Variants in BRMS1L observed in about 807,000 individuals in gnomAD.
BRMS1L encodes the protein breast cancer metastasis-suppressor 1-like protein.
BRMS1L carries 23 observed loss-of-function variants against 50.3 expected under a neutral mutation model. The ratio of observed to expected loss-of-function variants is 0.46; its 90% CI spans 0.33 to 0.65. BRMS1L has a LOEUF of 0.65. Ranked by LOEUF, BRMS1L falls within the 30% of genes least tolerant of loss-of-function variation. The pLI, the probability that BRMS1L is intolerant of heterozygous loss-of-function variation, is 0.02. For synonymous variants in BRMS1L, 114 were observed against 126.9 expected, an observed-to-expected ratio of 0.90 and a Z score of 0.69; for missense variants, 286 against 386.1, an observed-to-expected ratio of 0.74 and a Z score of 2.17.
At position 35,846,234 on chromosome 14, in the gene BRMS1L, A is replaced by C. The variant is rs553731845; in HGVS notation, c.441+11311A>C. On this transcript the variant is annotated intron_variant, in intron 4 of 9. Transcript: ENST00000216807. Reference sequence around the variant, plus strand: ...AGACTCTGTCAAAACAAAACAAAACAAAACAAAAACAAAAAAACTGGGCAT... The same window carrying C: ...AGACTCTGTCAAAACAAAACAAAACCAAACAAAAACAAAAAAACTGGGCAT... 6.2e-4 allele frequency among the ~76,000 whole-genome samples: 94 copies of C among 151,038 alleles called. 1 individual carries two copies. The highest frequency in any genetic ancestry group is 2.0e-3 in the African/African-American group (83 of 40,766).
chr14:35,831,547 T>C (rs368099430), intron 2 of BRMS1L, 47 bp downstream of exon 2: 2 of 1,382,422 alleles, frequency 1.4e-6, no homozygotes, highest in East Asian at 2.3e-5. Context: ...CTCAACCTTG[T>C]CACTTGTATA....
intron 4 of BRMS1L, among the ~76,000 whole-genome samples, chr14:35,850,902 AGTTTT>A (rs2078203830): frequency 2.0e-5 from 3 of 152,134 alleles, no homozygotes; most frequent in Admixed American, 6.5e-5. Flanking sequence ...AACGTCATTT[AGTTTT>A]GTTTTGTTCA....
intron 4 of BRMS1L, among the ~76,000 whole-genome samples, chr14:35,858,113 G>A (rs928962682): frequency 6.6e-6 from 1 of 151,786 alleles, no homozygotes; most frequent in Admixed American, 6.6e-5. Flanking sequence ...TCGTTTTAAA[G>A]TTAGGTGTAA....
At chr14:35,829,790 C>A in intron 1 of BRMS1L, 1 of 1,201,078 alleles carries the variant, frequency 8.3e-7, no homozygotes, top group Non-Finnish European at 1.1e-6. Flanking sequence ...AACTCTTTCT[C>A]ATAGTTTGAC....
At chr14:35,863,323 T>C (rs2078377443) in intron 5 of BRMS1L, among the ~76,000 whole-genome samples, 1 of 152,178 alleles carries the variant, frequency 6.6e-6, no homozygotes, top group South Asian at 2.1e-4. Context: ...TTCAGGGTGT[T>C]ACAGAAAGGT....
intron 4 of BRMS1L, among the ~76,000 whole-genome samples, chr14:35,842,849 C>T (rs1271135085): frequency 6.6e-6 from 1 of 152,168 alleles, no homozygotes; most frequent in Non-Finnish European, 1.5e-5. Flanking sequence ...CACATAGTCC[C>T]ATATTCCTTG....
intron 3 of BRMS1L, among the ~76,000 whole-genome samples, chr14:35,833,627 T>G (rs1379978542): frequency 6.6e-6 from 1 of 152,158 alleles, no homozygotes; most frequent in African/African-American, 2.4e-5. Flanking sequence ...TAAACAAAGA[T>G]GCACTATATT....
intron 3 of BRMS1L, 83 bp from the exon 4 acceptor site, chr14:35,834,761 C>G: frequency 1.1e-6 from 1 of 923,872 alleles, no homozygotes; most frequent in Non-Finnish European, 1.5e-6. Context: ...TTATTAAATA[C>G]AGTGAGGACA....
intron 4 of BRMS1L, among the ~76,000 whole-genome samples, chr14:35,860,592 A>C (rs888352874): frequency 3.3e-5 from 5 of 152,118 alleles, no homozygotes; most frequent in East Asian, 1.9e-4. Context: ...AAAAAAAAAA[A>C]AAAAACTATT....
chr14:35,840,804 G>T (rs1467389699), intron 4 of BRMS1L, among the ~76,000 whole-genome samples: 1 of 151,732 alleles, frequency 6.6e-6, no homozygotes, highest in Admixed American at 6.6e-5. Context: ...CCAGCTCCTG[G>T]ATTCATTGAT....
intron 4 of BRMS1L, among the ~76,000 whole-genome samples, chr14:35,862,363 C>T (rs1325289381): frequency 6.6e-6 from 1 of 151,874 alleles, no homozygotes; most frequent in East Asian, 1.9e-4. Flanking sequence ...AATTTAGATG[C>T]TCTTATACAG....
At chr14:35,831,320 TC>T in intron 1 of BRMS1L, 89 bp from the exon 2 acceptor site, 1 of 855,030 alleles carries the variant, frequency 1.2e-6, no homozygotes, top group Non-Finnish European at 1.9e-6. Flanking sequence ...CAGTTTTTCT[TC>T]CTATTTGAAT....
intron 4 of BRMS1L, among the ~76,000 whole-genome samples, chr14:35,842,597 GC>G (rs1464689798): frequency 1.3e-5 from 2 of 152,120 alleles, no homozygotes; most frequent in Non-Finnish European, 2.9e-5. Context: ...TTTCTCTCTG[GC>G]TGCCCTTAAC....
chr14:35,863,674 C>T (rs1217633390), intron 5 of BRMS1L, among the ~76,000 whole-genome samples, 196 bp from the exon 6 acceptor site: 2 of 152,178 alleles, frequency 1.3e-5, no homozygotes, highest in African/African-American at 4.8e-5. Flanking sequence ...TTGATTTTTG[C>T]TTTAATAAAG....
At chr14:35,866,007 A>G (rs2078416491) in intron 8 of BRMS1L, 2 of 428,384 alleles carry the variant, frequency 4.7e-6, no homozygotes, top group African/African-American at 4.1e-5. Flanking sequence ...AGTAACTCAA[A>G]AAAGTATTTA....
chr14:35,834,647 C>G (rs2899840), intron 3 of BRMS1L, among the ~76,000 whole-genome samples, 197 bp from the exon 4 acceptor site: 29,536 of 152,034 alleles, frequency 0.19, 2,998 homozygotes, highest in East Asian at 0.35. Flanking sequence ...CTTTCTAGCT[C>G]TTATAATTTC....
At chr14:35,868,929 AT>A in intron 9 of BRMS1L, among the ~76,000 whole-genome samples, 1 of 152,222 alleles carries the variant, frequency 6.6e-6, no homozygotes, top group Non-Finnish European at 1.5e-5. Flanking sequence ...CCTTTTGAAA[AT>A]ATTGTTAATC....
chr14:35,867,974 G>A lies in BRMS1L; in HGVS notation c.796G>A (p.Glu266Lys). The change falls in exon 9 of 10, where the codon GAA (glutamate) becomes AAA (lysine). Residue 266 changes from glutamate (E) to lysine (K), a missense_variant. Coordinates refer to ENST00000216807, the MANE Select transcript of BRMS1L (RefSeq NM_032352.4). ...AGAGGGAAGACTATATTATGATGGT[G>A]AATGGTATATACGTGGACAAACAAT... ...SEEGRLYYDG[E>K]WYIRGQTICI... 1 of 1,612,298 alleles carries A rather than the reference G, an allele frequency of 6.2e-7. No homozygotes were observed. The highest frequency in any genetic ancestry group is 8.5e-7 in the Non-Finnish European group (1 of 1,179,342).
Position 35,826,375 on chromosome 14 carries a change from G to A in BRMS1L, c.-142G>A. 1 of 1,287,734 alleles carries A rather than the reference G, an allele frequency of 7.8e-7. No homozygotes were observed. Among genetic ancestry groups the A allele is most frequent in the Non-Finnish European group, 1.1e-6 (1 of 936,824 alleles). The allele number at this position is 1,287,734 out of a possible 1,614,324, so 79.8% of individuals were successfully genotyped here. A position where few individuals can be genotyped will look rare whatever the true frequency, so the allele number is the denominator to read the frequency against. ...GCAGAGCCTGCGGGTTAGGTTGTGA[G>A]GCCCGGGCCGGGGGCGGGGAGGAGC... On this transcript the variant is annotated 5_prime_UTR_variant, in exon 1 of 10. Coordinates refer to ENST00000216807, the MANE Select transcript of BRMS1L (RefSeq NM_032352.4).
Sources: gnomAD v4.1 joint callset for allele counts (sites outside exome capture counted in the v4.1 genomes callset) on GRCh38, gnomAD v4.1.1 for gene constraint, MANE v1.5 for transcripts, NCBI Gene and HGNC (gene_info 2026-07-23, HGNC 2026-07-21) for gene names.